The following ITGAE variants were observed in gnomAD, a reference collection of about 807,000 sequenced individuals.
ITGAE encodes the protein integrin alpha-E.
Under a neutral mutation model 136.5 loss-of-function variants are expected in ITGAE, and 99 were observed. That is an observed-to-expected ratio of 0.73 (90% CI 0.62 to 0.86). The LOEUF (loss-of-function observed/expected upper bound fraction) is 0.86, where lower values mean the gene tolerates loss of function less well. Ranked by LOEUF, ITGAE falls within the 40% of genes least tolerant of loss-of-function variation. The pLI is 0.00. For missense variants in ITGAE, 1,447 were observed against 1,515.3 expected, an observed-to-expected ratio of 0.95 and a Z score of 0.75; for synonymous variants, 613 against 591.8, an observed-to-expected ratio of 1.04 and a Z score of -0.52.
chr17:3,718,236 T>C (rs1420370604), intron 29 of ITGAE: 1 of 152,224 alleles, frequency 6.6e-6, no homozygotes, highest in Non-Finnish European at 1.5e-5. Flanking sequence ...ACTAATAAGA[T>C]GTAAGAGGAT....
At chr17:3,727,822 T>G in intron 26 of ITGAE, 97 bp downstream of exon 26, 1 of 800,136 alleles carries the variant, frequency 1.2e-6, no homozygotes, top group Non-Finnish European at 2.2e-6. Flanking sequence ...ATGGTTAACT[T>G]GTCTTCACTC....
At chr17:3,794,266 C>T (rs1167436502) in intron 1 of ITGAE, among the ~76,000 whole-genome samples, 2 of 152,054 alleles carry the variant, frequency 1.3e-5, no homozygotes, top group Non-Finnish European at 2.9e-5. Flanking sequence ...CGTGAGCCAC[C>T]GTGCCTGGCC....
chr17:3,717,072 A>C, intron 29 of ITGAE: 1 of 349,560 alleles, frequency 2.9e-6, no homozygotes, highest in Non-Finnish European at 5.3e-6. Flanking sequence ...TCTGTTAAAG[A>C]TGCTCTGACA....
intron 20 of ITGAE, among the ~76,000 whole-genome samples, chr17:3,739,526 C>A (rs1226711665): frequency 3.9e-4 from 59 of 152,148 alleles, no homozygotes; most frequent in Non-Finnish European, 2.9e-5. Context: ...ATAGCATTGT[C>A]CGGGATGTCA....
chr17:3,784,300 A>G, intron 1 of ITGAE: 1 of 359,906 alleles, frequency 2.8e-6, no homozygotes, highest in South Asian at 2.1e-5. Context: ...ATAAAAGCAG[A>G]CCAAAAATTG....
chr17:3,723,234 C>G (rs967197433), intron 28 of ITGAE, 54 bp downstream of exon 28: 2 of 1,159,864 alleles, frequency 1.7e-6, no homozygotes, highest in Non-Finnish European at 2.6e-6. Flanking sequence ...CTTCTAGGGG[C>G]GATGCCCGTG....
intron 1 of ITGAE, among the ~76,000 whole-genome samples, chr17:3,781,490 C>G (rs1240763254): frequency 6.6e-6 from 1 of 152,184 alleles, no homozygotes; most frequent in Non-Finnish European, 1.5e-5. Context: ...TCCCAAATAG[C>G]TGGGATTACA....
Position 3,753,365 on chromosome 17 carries a change from G to C in ITGAE, c.1593C>G (p.Phe531Leu). The C allele has an allele frequency of 1.2e-6, 2 of 1,614,178 alleles. No homozygotes were observed. The highest frequency in any genetic ancestry group is 1.7e-6 in the Non-Finnish European group (2 of 1,180,030). The change falls in exon 14 of 31, where the codon TTC becomes TTG. Residue 531 changes from phenylalanine to leucine, a missense_variant. Physicochemically the swap from Phe to Leu is conservative, Grantham distance 22. Coordinates refer to ENST00000263087, the MANE Select transcript of ITGAE (RefSeq NM_002208.5). ...GGTAAAATGGAGCAGCCACCAGCAA[G>C]AAGTCCGTGCTTCCATCCATGTCAA... is the stretch of plus-strand genomic sequence containing the variant. ...VDIDMDGSTD[F>L]LLVAAPFYHV...
chr17:3,797,055 G>A (rs1187591260), intron 1 of ITGAE, among the ~76,000 whole-genome samples: 2 of 151,456 alleles, frequency 1.3e-5, no homozygotes, highest in African/African-American at 4.9e-5. Flanking sequence ...ACAGTCAGCT[G>A]AGCCCATCTC....
intron 8 of ITGAE, among the ~76,000 whole-genome samples, chr17:3,759,126 A>AC (rs1335679121): frequency 7.5e-6 from 1 of 133,984 alleles, no homozygotes; most frequent in East Asian, 2.0e-4. Context: ...CTCCATCTCA[A>AC]AAAAAAAAAC....
At chr17:3,770,708 C>T (rs1272947537) in intron 2 of ITGAE, among the ~76,000 whole-genome samples, 5 of 152,214 alleles carry the variant, frequency 3.3e-5, no homozygotes, top group South Asian at 2.1e-4. Flanking sequence ...TCCTCCCCAG[C>T]GTGTTCAAGC....
At chr17:3,727,640 C>T (rs1023273517) in intron 26 of ITGAE, among the ~76,000 whole-genome samples, 1 of 152,038 alleles carries the variant, frequency 6.6e-6, no homozygotes, top group African/African-American at 2.4e-5. Context: ...ACCTTGTGAT[C>T]CACCCGCCTC....
chr17:3,728,413 G>T (rs1246722937), intron 24 of ITGAE: 27 of 398,046 alleles, frequency 6.8e-5, no homozygotes, highest in Non-Finnish European at 1.1e-4. Flanking sequence ...TTGCTCTGTT[G>T]CCCAGGCTGG....
At chr17:3,715,182 C>T (rs3809808) in intron 30 of ITGAE, among the ~76,000 whole-genome samples, 80,276 of 152,006 alleles carry the variant, frequency 0.53, 22,059 homozygotes, top group African/African-American at 0.64. Context: ...TCCCGAGCAG[C>T]TGAACCTTTT....
intron 8 of ITGAE, 81 bp from the exon 9 acceptor site, chr17:3,757,940 T>A: frequency 1.3e-6 from 2 of 1,493,632 alleles, no homozygotes; most frequent in South Asian, 2.4e-5. Flanking sequence ...TTCTCTGACC[T>A]GTATTAGAAT....
intron 1 of ITGAE, among the ~76,000 whole-genome samples, chr17:3,791,372 T>C (rs1176475642): frequency 6.6e-6 from 1 of 151,906 alleles, no homozygotes; most frequent in East Asian, 2.0e-4. Flanking sequence ...AACCTCTGTC[T>C]CCCGGATTCA....
intron 1 of ITGAE, among the ~76,000 whole-genome samples, chr17:3,779,711 A>G (rs1449301018): frequency 1.3e-5 from 2 of 152,210 alleles, no homozygotes; most frequent in Non-Finnish European, 2.9e-5. Context: ...GAAACACTCA[A>G]AAGTGTTGAC....
intron 17 of ITGAE, among the ~76,000 whole-genome samples, chr17:3,747,422 A>G (rs2051742619): frequency 6.6e-6 from 1 of 151,364 alleles, no homozygotes; most frequent in Non-Finnish European, 1.5e-5. Flanking sequence ...GGTTCATGCT[A>G]TTCTCCTGCC....
chr17:3,746,135 G>A (rs79635346), intron 17 of ITGAE, among the ~76,000 whole-genome samples: 2,377 of 152,242 alleles, frequency 0.016, 38 homozygotes, highest in South Asian at 0.046. Flanking sequence ...GAGTGCTCCC[G>A]CCCCAAACCC....
Sources: allele counts gnomAD v4.1 joint callset (sites outside exome capture counted in the v4.1 genomes callset), GRCh38; gene constraint gnomAD v4.1.1; transcripts MANE v1.5; gene names NCBI Gene and HGNC (gene_info 2026-07-23, HGNC 2026-07-21).